Variants in ZC3H3 observed in about 807,000 individuals in gnomAD.
ZC3H3 encodes the protein zinc finger CCCH domain-containing protein 3.
A neutral mutation model predicts 77.3 loss-of-function variants in ZC3H3; 36 were observed. The ratio of observed to expected loss-of-function variants is 0.47; its 90% CI spans 0.36 to 0.61. ZC3H3 has a LOEUF of 0.61. ZC3H3 is among the 20% of genes least tolerant of loss of function. The probability of loss-of-function intolerance (pLI) is 0.00; values close to 1 mark genes in which losing one functional copy is unlikely to be tolerated. For missense variants in ZC3H3, 1,331 were observed against 1,312.2 expected (o/e 1.01, Z -0.22); for synonymous variants, 626 against 555.2 (o/e 1.13, Z -1.79).
At chr8:143,488,864 G>T (rs1462968216) in intron 4 of ZC3H3, among the ~76,000 whole-genome samples, 1 of 152,260 alleles carries the variant, frequency 6.6e-6, no homozygotes, top group Non-Finnish European at 1.5e-5. Context: ...AAGCCAGCTG[G>T]AGACAAGCGA....
At chr8:143,539,824 C>G (rs1035997722) in intron 1 of ZC3H3, among the ~76,000 whole-genome samples, 1 of 152,220 alleles carries the variant, frequency 6.6e-6, no homozygotes, top group African/African-American at 2.4e-5. Flanking sequence ...ATACTAGGAG[C>G]AGAGGCCATT....
At chr8:143,468,006 A>C (rs986914180) in intron 8 of ZC3H3, among the ~76,000 whole-genome samples, 3 of 152,230 alleles carry the variant, frequency 2.0e-5, no homozygotes, top group Non-Finnish European at 4.4e-5. Context: ...AGACCCTATC[A>C]GCGCTGCTTT....
chr8:143,479,096 T>A (rs952688055), intron 4 of ZC3H3, among the ~76,000 whole-genome samples: 1 of 152,184 alleles, frequency 6.6e-6, no homozygotes, highest in Non-Finnish European at 1.5e-5. Flanking sequence ...CCCAAGAGCC[T>A]CATTCCGAGA....
chr8:143,507,938 A>C, intron 3 of ZC3H3, 39 bp from the exon 4 acceptor site: 1 of 1,529,396 alleles, frequency 6.5e-7, no homozygotes, highest in Non-Finnish European at 8.8e-7. Context: ...GGGTCAGGGA[A>C]GGCCGGCAAG....
chr8:143,439,863 G>A (rs1231760004), intron 11 of ZC3H3, among the ~76,000 whole-genome samples, 178 bp downstream of exon 11: 15 of 116,064 alleles, frequency 1.3e-4, no homozygotes, highest in Non-Finnish European at 3.0e-4. Flanking sequence ...CCTGAGCCAG[G>A]CCATGCTGCC....
chr8:143,482,712 C>T (rs1820939740), intron 4 of ZC3H3, among the ~76,000 whole-genome samples: 1 of 152,186 alleles, frequency 6.6e-6, no homozygotes, highest in African/African-American at 2.4e-5. Context: ...CTGAGAGCTC[C>T]GAGAAGGGCG....
chr8:143,453,151 C>T (rs1168396235), intron 9 of ZC3H3, among the ~76,000 whole-genome samples: 1 of 152,198 alleles, frequency 6.6e-6, no homozygotes, highest in East Asian at 1.9e-4. Flanking sequence ...AATCATAGAT[C>T]ACTGCAGCCT....
chr8:143,440,361 T>G lies in ZC3H3; in HGVS notation c.2495A>C (p.Lys832Thr). 1.3e-6 allele frequency: 2 copies of G among 1,522,084 alleles called. No individual in the cohort carries two copies. The highest frequency in any genetic ancestry group is 1.8e-6 in the Non-Finnish European group (2 of 1,133,520). The allele number at this position is 1,522,084 out of a possible 1,614,324, so 94.3% of individuals were successfully genotyped here. A position where few individuals can be genotyped will look rare whatever the true frequency, so the allele number is the denominator to read the frequency against. The part of the protein sequence containing the change: ...SRVSASHGPR[K>T]PSASQRPTRQ... Reference sequence around the variant, plus strand: ...GGTGGGGCGCTGGGATGCTGAAGGCTTCCTGCAGGGAAGGAAGGGGCAGAC... The same window carrying G: ...GGTGGGGCGCTGGGATGCTGAAGGCGTCCTGCAGGGAAGGAAGGGGCAGAC... Residue 832 changes from lysine (K) to threonine (T), a missense_variant and splice_region_variant, in exon 11 of 12, where the codon AAG becomes ACG. By Grantham distance (78) the Lys-to-Thr change is moderately conservative. Transcript: ENST00000262577.
intron 4 of ZC3H3, among the ~76,000 whole-genome samples, chr8:143,478,829 G>T (rs1485830608): frequency 2.6e-5 from 4 of 152,212 alleles, no homozygotes; most frequent in Non-Finnish European, 4.4e-5. Context: ...CATTCTCATG[G>T]ATGAACATGA....
chr8:143,499,160 G>A (rs1157172673), intron 4 of ZC3H3, among the ~76,000 whole-genome samples: 6 of 152,148 alleles, frequency 3.9e-5, no homozygotes, highest in Non-Finnish European at 7.4e-5. Context: ...TGGCTGTGAG[G>A]GAAGCCTGGG....
rs557017976 is a variant in ZC3H3, at chr8:143,473,361, C to A, written c.1903+2037G>T. On this transcript the variant is annotated intron_variant, in intron 5 of 11. Coordinates refer to ENST00000262577, the MANE Select transcript of ZC3H3 (RefSeq NM_015117.3). ...CAGCTCATGAGAAAGGCCTCCCTGA[C>A]CACCTGACTGGACACGAGTCTGCGT... Among the ~76,000 whole-genome samples the A allele has an allele frequency of 1.2e-4, 18 of 152,310 alleles. No individual in the cohort carries two copies. The South Asian group carries it at 1.7e-3, about 14-fold the overall frequency.
rs772881259 is a variant in ZC3H3 at position 143,536,299 on chromosome 8, A to T, written c.1519T>A (p.Cys507Ser). 1 of 1,612,080 alleles carries T rather than the reference A, an allele frequency of 6.2e-7. No individual in the cohort carries two copies. ...GLVQVTTHRLCRLPPSRAHLP... is the reference protein window; with the variant it reads ...GLVQVTTHRLSRLPPSRAHLP... ...TGGGCCCGGCTCGGTGGCAGGCGAC[A>T]TAGTCGGTGCGTGGTGACCTGTACC... Residue 507 changes from cysteine to serine, a missense_variant, in exon 3 of 12, where the codon TGT (cysteine) becomes AGT (serine). Cys to Ser is a moderately radical substitution (Grantham distance 112). Coordinates refer to ENST00000262577, the MANE Select transcript of ZC3H3 (RefSeq NM_015117.3).
At chr8:143,467,684 C>T (rs921384914) in intron 8 of ZC3H3, among the ~76,000 whole-genome samples, 6 of 152,212 alleles carry the variant, frequency 3.9e-5, no homozygotes, top group African/African-American at 1.2e-4. Flanking sequence ...AGGGGACCCA[C>T]CTTGGCTCAA....
rs1005706502 is a variant in ZC3H3, at chr8:143,494,311, G to C, written c.1715+13435C>G. On this transcript the variant is annotated intron_variant, in intron 4 of 11. Coordinates refer to ENST00000262577, the MANE Select transcript of ZC3H3 (RefSeq NM_015117.3). The surrounding 1 kb of genome is among the most constrained non-coding windows in gnomAD (Gnocchi z 5.3). ...TTTTCTCAAATGACAGAGTATCTCA[G>C]AGAGCGTGAGTGAGCAGCTCAGGCT... 6.6e-6 allele frequency among the ~76,000 whole-genome samples: 1 copy of C among 152,234 alleles called. No individual in the cohort carries two copies. Among genetic ancestry groups the C allele is most frequent in the Non-Finnish European group, 1.5e-5 (1 of 68,038 alleles).
rs58216756 is a variant in ZC3H3, at chr8:143,503,780, C to G, written c.1715+3966G>C. ...CCTCCTCCAGCACCCAGCCATCTCC[C>G]GACCACCTACCTCCTCCAGCACCCA... On this transcript the variant is annotated intron_variant, in intron 4 of 11. Coordinates refer to ENST00000262577, the MANE Select transcript of ZC3H3 (RefSeq NM_015117.3). 8.6e-3 allele frequency among the ~76,000 whole-genome samples: 1,298 copies of G among 151,786 alleles called. 19 individuals are homozygous for G. The highest frequency in any genetic ancestry group is 0.03 in the African/African-American group (1,230 of 41,350).
Position 143,507,863 on chromosome 8 carries a change from C to G in ZC3H3, c.1598G>C (p.Ser533Thr). 1 of 1,609,388 alleles carries G rather than the reference C, an allele frequency of 6.2e-7. No individual in the cohort carries two copies. The highest frequency in any genetic ancestry group is 8.5e-7 in the Non-Finnish European group (1 of 1,177,786). Residue 533 changes from serine (S) to threonine (T), a missense_variant, in exon 4 of 12, where the codon AGC becomes ACC. Coordinates refer to ENST00000262577, the MANE Select transcript of ZC3H3 (RefSeq NM_015117.3). ...GCGGTAGCGGGTCTTGATCACCTTGCTGGTGGGTGCAGTCCGCACGGCATG... is the reference window on the plus strand; with the variant it reads ...GCGGTAGCGGGTCTTGATCACCTTGGTGGTGGGTGCAGTCCGCACGGCATG... ...SLHAVRTAPT[S>T]KVIKTRYRIV...
chr8:143,484,317 G>A (rs915261804), intron 4 of ZC3H3, among the ~76,000 whole-genome samples: 49 of 152,224 alleles, frequency 3.2e-4, no homozygotes, highest in Admixed American at 2.4e-3. Flanking sequence ...GCCTGGCTGG[G>A]TGGCAGGGGG....
chr8:143,475,647 A>G, intron 4 of ZC3H3, 62 bp from the exon 5 acceptor site: 1 of 1,489,544 alleles, frequency 6.7e-7, no homozygotes, highest in South Asian at 1.3e-5. Context: ...TCTGATGGTC[A>G]GTGCCAGGGG....
chr8:143,442,728 C>CA, intron 9 of ZC3H3, among the ~76,000 whole-genome samples: 1 of 152,336 alleles, frequency 6.6e-6, no homozygotes, highest in Admixed American at 6.5e-5. Flanking sequence ...AACCATGTGC[C>CA]AGGACTCAGA....
Sources: allele counts gnomAD v4.1 joint callset (sites outside exome capture counted in the v4.1 genomes callset), GRCh38; gene constraint gnomAD v4.1.1; non-coding constraint Gnocchi (gnomAD v3.1); transcripts MANE v1.5; gene names NCBI Gene and HGNC (gene_info 2026-07-23, HGNC 2026-07-21).